VMP1: variants seen among roughly 807,000 people sequenced by gnomAD.
The protein encoded by VMP1 is vacuole membrane protein 1.
Under a neutral mutation model 56.0 loss-of-function variants are expected in VMP1, and 11 were observed. The ratio of observed to expected loss-of-function variants is 0.20; its 90% CI spans 0.12 to 0.32. VMP1 has a LOEUF of 0.32. Ranked by LOEUF, VMP1 falls within the 10% of genes least tolerant of loss-of-function variation. The pLI, the probability that VMP1 is intolerant of heterozygous loss-of-function variation, is 1.00. For missense variants in VMP1, 296 were observed against 490.3 expected (o/e 0.60, Z 3.74); for synonymous variants, 149 against 165.0 (o/e 0.90, Z 0.74).
intron 5 of VMP1, among the ~76,000 whole-genome samples, chr17:59,747,393 T>TTTTC (rs767112031): frequency 4.9e-4 from 73 of 149,810 alleles, no homozygotes; most frequent in South Asian, 6.4e-4. Context: ...CCCCGGGTTT[T>TTTTC]TTTCTTTCTT....
intron 7 of VMP1, among the ~76,000 whole-genome samples, chr17:59,780,340 C>T (rs988657599): frequency 6.6e-6 from 1 of 152,178 alleles, no homozygotes; most frequent in African/African-American, 2.4e-5. Flanking sequence ...CCTGTAATTC[C>T]AGCACTTTGG....
chr17:59,794,517 ATTTTT>A (rs71145572), intron 7 of VMP1, among the ~76,000 whole-genome samples: 5,350 of 42,994 alleles, frequency 0.12, 470 homozygotes, highest in East Asian at 0.3. Flanking sequence ...CGCGCCCTGC[ATTTTT>A]TTTTTTTTTT....
chr17:59,814,101 C>T (rs1258350922), intron 9 of VMP1, among the ~76,000 whole-genome samples: 1 of 152,146 alleles, frequency 6.6e-6, no homozygotes, highest in African/African-American at 2.4e-5. Flanking sequence ...TTGTTTCAGC[C>T]TCCAGAGTAA....
At chr17:59,759,781 G>C (rs2035973713) in intron 5 of VMP1, among the ~76,000 whole-genome samples, 1 of 151,842 alleles carries the variant, frequency 6.6e-6, no homozygotes, top group Non-Finnish European at 1.5e-5. Flanking sequence ...CAATATGATT[G>C]GGTTTAAGTC....
chr17:59,782,212 A>G (rs1382086609), intron 7 of VMP1, among the ~76,000 whole-genome samples: 2 of 152,036 alleles, frequency 1.3e-5, no homozygotes, highest in Non-Finnish European at 2.9e-5. Context: ...CCTGGCCTGT[A>G]TTTTCTTTTA....
intron 9 of VMP1, among the ~76,000 whole-genome samples, chr17:59,814,443 G>C (rs2144241738): frequency 6.6e-6 from 1 of 152,274 alleles, no homozygotes; most frequent in East Asian, 1.9e-4. Flanking sequence ...GCTGGAATTT[G>C]AACCCAAGTC....
chr17:59,762,245 G>A (rs150602608), intron 5 of VMP1, among the ~76,000 whole-genome samples: 6 of 152,240 alleles, frequency 3.9e-5, no homozygotes, highest in Non-Finnish European at 8.8e-5. Context: ...GTTGGAACCT[G>A]CTGCTCAGTA....
chr17:59,792,081 A>G (rs558302127), intron 7 of VMP1, among the ~76,000 whole-genome samples: 2 of 152,054 alleles, frequency 1.3e-5, no homozygotes, highest in African/African-American at 4.8e-5. Flanking sequence ...AGGCCAACCT[A>G]GGAAACATAG....
chr17:59,797,159 C>T (rs555364027), intron 7 of VMP1, among the ~76,000 whole-genome samples: 15 of 136,406 alleles, frequency 1.1e-4, no homozygotes, highest in African/African-American at 2.8e-4. Context: ...TGGTGAAACC[C>T]CCCCCCCGTC....
chr17:59,834,610 C>T (rs938501159), intron 10 of VMP1, among the ~76,000 whole-genome samples: 1 of 147,710 alleles, frequency 6.8e-6, no homozygotes. Flanking sequence ...CAGACACCTG[C>T]CACCATGCCC....
chr17:59,752,002 G>T (rs528004677), intron 5 of VMP1, among the ~76,000 whole-genome samples: 1 of 151,806 alleles, frequency 6.6e-6, no homozygotes, highest in African/African-American at 2.4e-5. Flanking sequence ...GGGTAGAAAC[G>T]GGGTCTCTCC....
intron 1 of VMP1, among the ~76,000 whole-genome samples, chr17:59,718,976 A>G (rs1337916374): frequency 6.6e-6 from 1 of 152,272 alleles, no homozygotes; most frequent in East Asian, 1.9e-4. Flanking sequence ...GACATATCAG[A>G]TGACACTCTG....
At chr17:59,813,891 A>T (rs1364641854) in intron 9 of VMP1, among the ~76,000 whole-genome samples, 7 of 152,210 alleles carry the variant, frequency 4.6e-5, no homozygotes, top group Admixed American at 3.3e-4. Context: ...TAGTGGTAAG[A>T]TATGCAACTT....
intron 2 of VMP1, among the ~76,000 whole-genome samples, chr17:59,733,325 C>G (rs957038162): frequency 6.6e-6 from 1 of 152,040 alleles, no homozygotes; most frequent in Non-Finnish European, 1.5e-5. Context: ...ACAAATAATG[C>G]TGTGGTCAAT....
At chr17:59,834,295 C>T (rs1406267637) in intron 10 of VMP1, among the ~76,000 whole-genome samples, 1 of 151,932 alleles carries the variant, frequency 6.6e-6, no homozygotes, top group African/African-American at 2.4e-5. Flanking sequence ...TGGAGTCTCA[C>T]TCTGTTGCCC....
chr17:59,729,475 T>C (rs1331834317), intron 1 of VMP1, among the ~76,000 whole-genome samples: 1 of 126,614 alleles, frequency 7.9e-6, no homozygotes, highest in Non-Finnish European at 1.6e-5. Flanking sequence ...AGAGACTCCA[T>C]CTCAAAAAAA....
intron 5 of VMP1, among the ~76,000 whole-genome samples, chr17:59,740,043 C>T (rs1417990283): frequency 6.7e-6 from 1 of 150,014 alleles, no homozygotes; most frequent in Non-Finnish European, 1.5e-5. Context: ...CGCCACTGCA[C>T]TCCAACCTGG....
intron 6 of VMP1, among the ~76,000 whole-genome samples, chr17:59,771,198 G>A (rs1006181644): frequency 5.3e-5 from 8 of 149,918 alleles, no homozygotes; most frequent in Non-Finnish European, 8.8e-5. Flanking sequence ...ACTGGAGACA[G>A]GGTCTCACTC....
rs2035060213 is a variant in VMP1 at position 59,737,506 on chromosome 17, T to G, written c.266T>G (p.Leu89Arg). 6.2e-7 allele frequency: 1 copy of G among 1,612,022 alleles called. No homozygotes were observed. The highest frequency in any genetic ancestry group is 8.5e-7 in the Non-Finnish European group (1 of 1,179,184). ...VVSFLLLLAV[L>R]IATYYVEGVH... is the part of the protein sequence containing the mutation. ...TCTTTTTTACTGCTGCTTGCTGTGCTTATAGCTACGTATTATGTTGAAGGA... is the reference window on the plus strand; with the variant it reads ...TCTTTTTTACTGCTGCTTGCTGTGCGTATAGCTACGTATTATGTTGAAGGA... The change falls in exon 4 of 12, where the codon CTT becomes CGT. Residue 89 changes from leucine (L) to arginine (R), a missense_variant. Coordinates refer to ENST00000262291, the MANE Select transcript of VMP1 (RefSeq NM_030938.5).
Sources: allele counts gnomAD v4.1 joint callset (sites outside exome capture counted in the v4.1 genomes callset), GRCh38; gene constraint gnomAD v4.1.1; transcripts MANE v1.5; gene names NCBI Gene and HGNC (gene_info 2026-07-23, HGNC 2026-07-21).